The following CDH15 variants were observed in gnomAD, a reference collection of about 807,000 sequenced individuals.
CDH15 encodes cadherin-15.
A neutral mutation model predicts 69.4 loss-of-function variants in CDH15; 73 were observed. The observed-to-expected ratio is 1.05, with a 90% CI of 0.87 to 1.28. The LOEUF (loss-of-function observed/expected upper bound fraction) is 1.28. Among genes scored for constraint, CDH15 ranks in the 50% most tolerant of loss-of-function variants. The probability of loss-of-function intolerance (pLI) is 0.00; values close to 1 mark genes in which losing one functional copy is unlikely to be tolerated. For synonymous variants in CDH15, 624 were observed against 507.7 expected, an observed-to-expected ratio of 1.23 and a Z score of -3.08; for missense variants, 1,343 against 1,133.6, an observed-to-expected ratio of 1.18 and a Z score of -2.65.
chr16:89,195,233 G>T lies in CDH15; in HGVS notation c.*78G>T. The stretch of plus-strand genomic sequence containing the variant: ...CCTGCAGAGGCAGCCTGAGGTCACC[G>T]GGCCCGACCCCCCTGGGCCTGGGGC... On this transcript the variant is annotated 3_prime_UTR_variant, in exon 14 of 14. Coordinates refer to ENST00000289746, the MANE Select transcript of CDH15 (RefSeq NM_004933.3). The T allele has an allele frequency of 7.1e-7, 1 of 1,413,016 alleles. No individual in the cohort carries two copies. Among genetic ancestry groups the T allele is most frequent in the Non-Finnish European group, 9.4e-7 (1 of 1,069,358 alleles). 87.5% of individuals were successfully genotyped at this position (1,413,016 alleles called of 1,614,324 possible). A position where few individuals can be genotyped will look rare whatever the true frequency, so the allele number is the denominator to read the frequency against.
chr16:89,191,513 T>G (rs1293681179), intron 9 of CDH15, 41 bp downstream of exon 9: 2 of 1,607,140 alleles, frequency 1.2e-6, no homozygotes, highest in East Asian at 4.5e-5. Flanking sequence ...GACCTGGCCT[T>G]GTCCCGGCTG....
intron 9 of CDH15, 34 bp downstream of exon 9, chr16:89,191,506 C>A (rs372643650): frequency 2.5e-6 from 4 of 1,609,086 alleles, no homozygotes; most frequent in Non-Finnish European, 3.4e-6. Context: ...GCTCCCTGAC[C>A]TGGCCTTGTC....
At chr16:89,187,164 C>T (rs967283380) in intron 5 of CDH15, among the ~76,000 whole-genome samples, 3 of 152,028 alleles carry the variant, frequency 2.0e-5, no homozygotes, top group South Asian at 2.1e-4. Flanking sequence ...GCTTACCCAG[C>T]GCACAGTAGG....
At chr16:89,172,276 G>A (rs2093636048) in intron 1 of CDH15, among the ~76,000 whole-genome samples, 1 of 152,086 alleles carries the variant, frequency 6.6e-6, no homozygotes, top group Admixed American at 6.5e-5. Flanking sequence ...GTTTCTATAG[G>A]GACTCCCTGC....
intron 1 of CDH15, among the ~76,000 whole-genome samples, chr16:89,176,873 A>G (rs1268038524): frequency 1.3e-5 from 2 of 151,944 alleles, no homozygotes; most frequent in African/African-American, 4.8e-5. Context: ...GACCCCCAGC[A>G]CCTCCCACCC....
In CDH15 at chr16:89,188,814, G is replaced by GCACACAGATGCCCACGCACAGGTGCCCA. The variant is rs746808117; in HGVS notation, c.978+570_978+597dup. Among the ~76,000 whole-genome samples the GCACACAGATGCCCACGCACAGGTGCCCA allele has an allele frequency of 1.0e-4, 9 of 89,522 alleles. No homozygotes were observed. The East Asian group carries it at 2.6e-3, about 26-fold the overall frequency. The allele number at this position is 89,522 out of a possible 152,430, so 58.7% of individuals were successfully genotyped here. Reference sequence around the variant, plus strand: ...CGCACAGGTGCCCACACACATGCTGGCACACAGATGCCCACGCACAGGTGC... The same window carrying GCACACAGATGCCCACGCACAGGTGCCCA: ...CGCACAGGTGCCCACACACATGCTGGCACACAGATGCCCACGCACAGGTGCCCACACACAGATGCCCACGCACAGGTGC... On this transcript the variant is annotated intron_variant, in intron 7 of 13. Transcript: ENST00000289746.
chr16:89,175,741 C>A (rs770402094), intron 1 of CDH15, among the ~76,000 whole-genome samples: 73 of 152,344 alleles, frequency 4.8e-4, no homozygotes, highest in Non-Finnish European at 9.6e-4. Flanking sequence ...GCCAGGGCCG[C>A]CATCTGTCAG....
At chr16:89,189,374 G>GCTA (rs1915588265) in intron 7 of CDH15, among the ~76,000 whole-genome samples, 1 of 138,548 alleles carries the variant, frequency 7.2e-6, no homozygotes, top group Non-Finnish European at 1.6e-5. Flanking sequence ...CACAGATGCT[G>GCTA]GCGCACACAG....
chr16:89,175,406 C>A (rs1915237525), intron 1 of CDH15, among the ~76,000 whole-genome samples: 2 of 152,266 alleles, frequency 1.3e-5, no homozygotes, highest in Admixed American at 6.5e-5. Flanking sequence ...TCCTTCAGAG[C>A]ATGCGGTTCA....
In CDH15 at chr16:89,193,483, C is replaced by T. The variant is rs910339091; in HGVS notation, c.1869C>T (p.Leu623=). ...SALLLLVLVL[L]VALRARFWKQ... ...CTCATTCCCCAGTGCTGGTCCTGCT[C>T]GTGGCACTCCGGGCGCGGTTCTGGA... Residue 623 remains leucine, a synonymous_variant, in exon 12 of 14, where the codon CTC becomes CTT. Coordinates refer to ENST00000289746, the MANE Select transcript of CDH15 (RefSeq NM_004933.3). 1.2e-6 allele frequency: 2 copies of T among 1,611,372 alleles called. No homozygotes were observed. The highest frequency in any genetic ancestry group is 1.3e-5 in the African/African-American group (1 of 74,706).
At chr16:89,179,619 TC>T (rs763622076) in intron 2 of CDH15, 45 bp downstream of exon 2, 2 of 1,510,618 alleles carry the variant, frequency 1.3e-6, no homozygotes, top group Admixed American at 4.3e-5. Context: ...GGTAGGCTGG[TC>T]CCCAGTGGGC....
chr16:89,177,354 T>A (rs534090404), intron 1 of CDH15, among the ~76,000 whole-genome samples: 1 of 152,190 alleles, frequency 6.6e-6, no homozygotes, highest in East Asian at 1.9e-4. Flanking sequence ...GGAACACAGC[T>A]CCTCACTTTT....
chr16:89,183,300 G>A, intron 3 of CDH15: 1 of 533,576 alleles, frequency 1.9e-6, no homozygotes, highest in South Asian at 2.3e-5. Flanking sequence ...GAAGCTGTGA[G>A]CTTCCTGGCT....
chr16:89,185,866 C>A (rs963197246), intron 5 of CDH15: 10 of 212,222 alleles, frequency 4.7e-5, no homozygotes, highest in Non-Finnish European at 8.8e-5. Flanking sequence ...AAATGCTTAC[C>A]CAGCGCACAG....
chr16:89,191,827 CT>C lies in CDH15; in HGVS notation c.1550del (p.Phe517SerfsTer5). On this transcript the variant is annotated frameshift_variant, in exon 10 of 14. Coordinates refer to ENST00000289746, the MANE Select transcript of CDH15 (RefSeq NM_004933.3). LOFTEE classifies it high-confidence loss of function. ...AGGACCTGCCCCCCCACGGGGCCCC[CT>C]TCCACTTCCAGCTGAGCCCCAGGCT... ...DEDLPPHGAPFHFQLSPRLPE... is the reference protein window; with the variant it reads ...DEDLPPHGAPXHFQLSPRLPE... The C allele has an allele frequency of 6.2e-7, 1 of 1,603,806 alleles. No homozygotes were observed.
At chr16:89,189,099 ACACAGATGCCCACG>A (rs1269906697) in intron 7 of CDH15, among the ~76,000 whole-genome samples, 5 of 145,894 alleles carry the variant, frequency 3.4e-5, no homozygotes, top group African/African-American at 7.7e-5. Context: ...AGATGCCCAC[ACACAGATGCCCACG>A]CACAGGTGCC....
intron 8 of CDH15, among the ~76,000 whole-genome samples, chr16:89,191,006 CAT>C (rs775273483): frequency 1.1e-4 from 16 of 142,974 alleles, no homozygotes; most frequent in Admixed American, 3.0e-4. Context: ...TGTGTATGTG[CAT>C]ATGTGTGTGC....
At position 89,190,375 on chromosome 16, in the gene CDH15, G is replaced by T. The variant is rs775512337; in HGVS notation, c.1111G>T (p.Glu371Ter). The T allele has an allele frequency of 6.2e-7, 1 of 1,612,770 alleles. No homozygotes were observed. Among genetic ancestry groups the T allele is most frequent in the African/African-American group, 1.3e-5 (1 of 74,936 alleles). ...CCGCGTGCATGTGCAGGACACCAAC[G>T]AGCCCCCCGTGTTCCAGGAGAACCC... is the stretch of plus-strand genomic sequence containing the variant. ...KVRVHVQDTN[E>*]PPVFQENPLR... Residue 371 changes from glutamate (E) to a stop codon, truncating the protein, a stop_gained, in exon 8 of 14, where the codon GAG (glutamate) becomes TAG (stop). Coordinates refer to ENST00000289746, the MANE Select transcript of CDH15 (RefSeq NM_004933.3). LOFTEE classifies it high-confidence loss of function.
chr16:89,192,475 C>T (rs1380539434), intron 11 of CDH15, 31 bp downstream of exon 11: 1 of 1,556,120 alleles, frequency 6.4e-7, no homozygotes, highest in Non-Finnish European at 8.6e-7. Context: ...CACCTGGACC[C>T]TCGGACCCTC....
Sources: allele counts gnomAD v4.1 joint callset (sites outside exome capture counted in the v4.1 genomes callset), GRCh38; gene constraint gnomAD v4.1.1; transcripts MANE v1.5; gene names NCBI Gene and HGNC (gene_info 2026-07-23, HGNC 2026-07-21).